The following SLC25A44 variants were observed in gnomAD, a reference collection of about 807,000 sequenced individuals.
SLC25A44 encodes the protein solute carrier family 25, member 44.
SLC25A44 carries 17 observed loss-of-function variants against 29.9 expected under a neutral mutation model. That is an observed-to-expected ratio of 0.57 (90% CI 0.39 to 0.85). The LOEUF (loss-of-function observed/expected upper bound fraction) is 0.85. Ranked by LOEUF, SLC25A44 falls within the 40% of genes least tolerant of loss-of-function variation. SLC25A44 has a pLI of 0.00. For missense variants in SLC25A44, 302 were observed against 398.4 expected (o/e 0.76, Z 2.06); for synonymous variants, 140 against 151.8 (o/e 0.92, Z 0.57).
intron 3 of SLC25A44, among the ~76,000 whole-genome samples, chr1:156,209,554 T>C (rs1657163194): frequency 6.6e-6 from 1 of 151,970 alleles, no homozygotes; most frequent in South Asian, 2.1e-4. Context: ...TCTAAAGGTG[T>C]AGTTTAGGGG....
At position 156,210,302 on chromosome 1, in the gene SLC25A44, G is replaced by A. The variant is rs1176921896; in HGVS notation, c.816G>A (p.Trp272Ter). 1.9e-6 allele frequency: 3 copies of A among 1,605,974 alleles called. No individual in the cohort carries two copies. The highest frequency in any genetic ancestry group is 1.7e-6 in the Non-Finnish European group (2 of 1,176,410). The change falls in exon 4 of 4, where the codon TGG becomes TGA. Residue 272 changes from tryptophan (W) to a stop codon, truncating the protein, a stop_gained. Coordinates refer to ENST00000359511, the MANE Select transcript of SLC25A44 (RefSeq NM_014655.4). LOFTEE classifies it high-confidence loss of function. ...FRQLMAEEGP[W>*]GLMKGLSARI... is the part of the protein sequence containing the mutation. ...AGCTGATGGCAGAAGAAGGGCCTTG[G>A]GGCCTCATGAAGGGCCTCTCGGCCA...
chr1:156,210,275 A>G lies in SLC25A44; in HGVS notation c.789A>G (p.Arg263=), dbSNP rs769156700. 1.4e-5 allele frequency: 22 copies of G among 1,584,690 alleles called. No individual in the cohort carries two copies. Among genetic ancestry groups the G allele is most frequent in the African/African-American group, 2.7e-5 (2 of 73,520 alleles). The part of the protein sequence containing the change: ...EGKNSIILTF[R]QLMAEEGPWG... ...AGAACTCCATCATCCTGACCTTCAG[A>G]CAGCTGATGGCAGAAGAAGGGCCTT... The change falls in exon 4 of 4, where the codon AGA becomes AGG. Residue 263 remains arginine (R), a synonymous_variant. Transcript: ENST00000359511.
At position 156,200,252 on chromosome 1, in the gene SLC25A44, G is replaced by A; in HGVS notation, c.405G>A (p.Gln135=). 6.2e-7 allele frequency: 1 copy of A among 1,614,184 alleles called. No homozygotes were observed. The highest frequency in any genetic ancestry group is 8.5e-7 in the Non-Finnish European group (1 of 1,180,034). Residue 135 remains glutamine (Q), a synonymous_variant, in exon 2 of 4, where the codon CAG becomes CAA. Coordinates refer to ENST00000359511, the MANE Select transcript of SLC25A44 (RefSeq NM_014655.4). Reference sequence around the variant, plus strand: ...CAGTGCCCATTGATGTAGTCTCCCAGCACCTGATGATGCAACGCAAGGGTG... The same window carrying A: ...CAGTGCCCATTGATGTAGTCTCCCAACACCTGATGATGCAACGCAAGGGTG... ...SITVPIDVVS[Q]HLMMQRKGEK...
rs569288702 is a variant in SLC25A44 at position 156,208,721 on chromosome 1, T to C, written c.753+708T>C. On this transcript the variant is annotated intron_variant, in intron 3 of 3. Transcript: ENST00000359511. ...ATTTCAGTTAATTCATAAGTCTGTC[T>C]GGTTTTTCCAGTAGGCCATAAGTTC... Among the ~76,000 whole-genome samples the C allele has an allele frequency of 5.3e-5, 8 of 152,352 alleles. No individual in the cohort carries two copies. In the South Asian group the frequency reaches 1.7e-3, roughly 32 times the overall value.
Position 156,200,002 on chromosome 1 carries a change from G to A in SLC25A44, c.155G>A (p.Ser52Asn). The A allele has an allele frequency of 6.2e-7, 1 of 1,614,170 alleles. No homozygotes were observed. The highest frequency in any genetic ancestry group is 8.5e-7 in the Non-Finnish European group (1 of 1,180,024). The change falls in exon 2 of 4, where the codon AGC becomes AAC. Residue 52 changes from serine (S) to asparagine (N), a missense_variant. Coordinates refer to ENST00000359511, the MANE Select transcript of SLC25A44 (RefSeq NM_014655.4). Reference protein sequence around the residue: ...RTRLQVQKGKSLYHGTFDAFI... With the variant: ...RTRLQVQKGKNLYHGTFDAFI... ...CGGTTGCAAGTTCAGAAGGGGAAGA[G>A]CCTCTACCATGGGACCTTCGATGCC...
chr1:156,201,685 CTTCT>C (rs1316630583), intron 2 of SLC25A44, among the ~76,000 whole-genome samples: 2 of 146,338 alleles, frequency 1.4e-5, no homozygotes, highest in Non-Finnish European at 3.0e-5. Flanking sequence ...CCTTCTTTTT[CTTCT>C]TTCTTCTTCT....
Position 156,212,710 on chromosome 1 carries a change from A to C in SLC25A44, c.*2279A>C, listed in dbSNP as rs1572470840. The C allele has an allele frequency of 1.1e-5, 3 of 273,638 alleles. No individual in the cohort carries two copies. In the East Asian group the frequency reaches 2.2e-4, roughly 20 times the overall value. 17.0% of individuals were successfully genotyped at this position (273,638 alleles called of 1,614,324 possible). On this transcript the variant is annotated 3_prime_UTR_variant, in exon 4 of 4. Coordinates refer to ENST00000359511, the MANE Select transcript of SLC25A44 (RefSeq NM_014655.4). ...ACTCTCTGAACGTTTGATGAAATGGACTCTTGTGAAAATTAACAGTGAATA... is the reference window on the plus strand; with the variant it reads ...ACTCTCTGAACGTTTGATGAAATGGCCTCTTGTGAAAATTAACAGTGAATA...
At chr1:156,199,607 CTGAG>C in intron 1 of SLC25A44, 1 of 523,734 alleles carries the variant, frequency 1.9e-6, no homozygotes, top group East Asian at 3.2e-5. Flanking sequence ...AGGAGGGAAA[CTGAG>C]TAAGGAAGGC....
At chr1:156,197,612 C>G (rs536746355) in intron 1 of SLC25A44, 3 of 152,260 alleles carry the variant, frequency 2.0e-5, no homozygotes, top group African/African-American at 7.2e-5. Context: ...AAAAAATTAG[C>G]CGGGCGTGGT....
chr1:156,204,733 C>T (rs1185414293), intron 2 of SLC25A44, among the ~76,000 whole-genome samples: 1 of 152,174 alleles, frequency 6.6e-6, no homozygotes, highest in Non-Finnish European at 1.5e-5. Flanking sequence ...GGTGATCCAC[C>T]TGCCTCAGCC....
chr1:156,200,188 T>G lies in SLC25A44; in HGVS notation c.341T>G (p.Val114Gly). ...YSQSNTVKSLVAGGSASLVAQ... is the reference protein window; with the variant it reads ...YSQSNTVKSLGAGGSASLVAQ... ...CAGAGTAACACAGTCAAATCACTGG[T>G]GGCTGGTGGCTCAGCCTCCCTTGTG... Residue 114 changes from valine (V) to glycine (G), a missense_variant, in exon 2 of 4, where the codon GTG (valine) becomes GGG (glycine). Physicochemically the swap from Val to Gly is moderately radical, Grantham distance 109. Transcript: ENST00000359511. 1 of 1,614,208 alleles carries G rather than the reference T, an allele frequency of 6.2e-7. No homozygotes were observed. The highest frequency in any genetic ancestry group is 8.5e-7 in the Non-Finnish European group (1 of 1,180,026).
rs564205901 is a variant in SLC25A44, at chr1:156,205,333, C to T, written c.626-2553C>T. ...CTGGGATTACAGGCGTGAGCCACCACGCCTGGCCGAGGAAAAAATTCTTAA... is the reference window on the plus strand; with the variant it reads ...CTGGGATTACAGGCGTGAGCCACCATGCCTGGCCGAGGAAAAAATTCTTAA... On this transcript the variant is annotated intron_variant, in intron 2 of 3. Coordinates refer to ENST00000359511, the MANE Select transcript of SLC25A44 (RefSeq NM_014655.4). 4.6e-5 allele frequency among the ~76,000 whole-genome samples: 7 copies of T among 152,290 alleles called. No individual in the cohort carries two copies. The South Asian group carries it at 8.3e-4, about 18-fold the overall frequency.
chr1:156,195,736 G>A (rs1656175121), intron 1 of SLC25A44, among the ~76,000 whole-genome samples: 1 of 152,200 alleles, frequency 6.6e-6, no homozygotes, highest in Non-Finnish European at 1.5e-5. Flanking sequence ...ACTCAACATG[G>A]ATCTCCTGAT....
chr1:156,195,493 G>A (rs1439557592), intron 1 of SLC25A44, among the ~76,000 whole-genome samples: 1 of 152,162 alleles, frequency 6.6e-6, no homozygotes, highest in Non-Finnish European at 1.5e-5. Context: ...TCCCCCGCAG[G>A]GGGCGTTAAT....
intron 2 of SLC25A44, among the ~76,000 whole-genome samples, chr1:156,206,973 G>A (rs1302248909): frequency 6.6e-6 from 1 of 152,152 alleles, no homozygotes; most frequent in African/African-American, 2.4e-5. Context: ...AGGATTTTCT[G>A]CCCATCAGAT....
At chr1:156,203,550 C>T (rs550270750) in intron 2 of SLC25A44, among the ~76,000 whole-genome samples, 16 of 152,174 alleles carry the variant, frequency 1.1e-4, no homozygotes, top group African/African-American at 3.6e-4. Flanking sequence ...CCAGTCTTAG[C>T]CAAGTGGGAC....
In SLC25A44 at chr1:156,210,413, G is replaced by A. The variant is rs367561210; in HGVS notation, c.927G>A (p.Val309=). 8.2e-6 allele frequency: 13 copies of A among 1,585,824 alleles called. No individual in the cohort carries two copies. The African/African-American group carries it at 1.6e-4, about 20-fold the overall frequency. ...AACTCAGCCTCCGACCTGAGCTGGT[G>A]GACTCGAGACACTGGTAACCAGTGG... The part of the protein sequence containing the change: ...LKKLSLRPEL[V]DSRHW The change falls in exon 4 of 4, where the codon GTG becomes GTA. Residue 309 remains valine, a synonymous_variant. Coordinates refer to ENST00000359511, the MANE Select transcript of SLC25A44 (RefSeq NM_014655.4).
chr1:156,199,083 G>A (rs1656385951), intron 1 of SLC25A44: 1 of 152,352 alleles, frequency 6.6e-6, no homozygotes, highest in Non-Finnish European at 1.5e-5. Flanking sequence ...GAGGTTGAGG[G>A]GGGTGCCCTG....
chr1:156,209,724 A>G (rs1657172095), intron 3 of SLC25A44, among the ~76,000 whole-genome samples: 1 of 152,110 alleles, frequency 6.6e-6, no homozygotes, highest in Non-Finnish European at 1.5e-5. Flanking sequence ...CAAGGGATTG[A>G]AATGATCAGA....
Sources: allele counts gnomAD v4.1 joint callset (sites outside exome capture counted in the v4.1 genomes callset), GRCh38; gene constraint gnomAD v4.1.1; transcripts MANE v1.5; gene names NCBI Gene and HGNC (gene_info 2026-07-23, HGNC 2026-07-21).